The following RAB27B variants were observed in gnomAD, a reference collection of about 807,000 sequenced individuals.
The protein encoded by RAB27B is RAB27B, member RAS oncogene family.
In RAB27B, 15 loss-of-function variants were observed where a neutral mutation model predicts 24.6. That is an observed-to-expected ratio of 0.61 (90% CI 0.41 to 0.94). The LOEUF is 0.94. RAB27B is among the 40% of genes least tolerant of loss of function. RAB27B has a pLI of 0.00. For synonymous variants in RAB27B, 105 were observed against 92.5 expected, an observed-to-expected ratio of 1.14 and a Z score of -0.78; for missense variants, 261 against 266.8, an observed-to-expected ratio of 0.98 and a Z score of 0.15.
intron 2 of RAB27B, among the ~76,000 whole-genome samples, chr18:54,796,280 C>A (rs1462774330): frequency 6.6e-6 from 1 of 152,196 alleles, no homozygotes; most frequent in African/African-American, 2.4e-5. Context: ...AGTGGGCATG[C>A]ATTCCAGTGT....
At chr18:54,727,242 G>A (rs1909567151) in intron 2 of RAB27B, among the ~76,000 whole-genome samples, 1 of 152,142 alleles carries the variant, frequency 6.6e-6, no homozygotes, top group Admixed American at 6.5e-5. Context: ...CCAAAGTGCT[G>A]GGATTACAGG....
intron 3 of RAB27B, chr18:54,879,807 G>T: frequency 5.0e-6 from 1 of 199,038 alleles, no homozygotes; most frequent in Non-Finnish European, 1.0e-5. Flanking sequence ...GTTGAAGAAA[G>T]GGTGTTAAGA....
rs1048955196 is a variant in RAB27B, at chr18:54,889,609, A to G, written c.*196A>G. The G allele has an allele frequency of 1.2e-5, 6 of 482,912 alleles. No individual in the cohort carries two copies. Among genetic ancestry groups the G allele is most frequent in the Non-Finnish European group, 1.4e-5 (4 of 280,802 alleles). The allele number at this position is 482,912 out of a possible 1,614,324, so 29.9% of individuals were successfully genotyped here. Reference sequence around the variant, plus strand: ...GACTAGTTATCCCTGAGGCCCTTTCAAACATGATCAAAGATTTCCCAATGT... The same window carrying G: ...GACTAGTTATCCCTGAGGCCCTTTCGAACATGATCAAAGATTTCCCAATGT... On this transcript the variant is annotated 3_prime_UTR_variant, in exon 6 of 6. Coordinates refer to ENST00000262094, the MANE Select transcript of RAB27B (RefSeq NM_004163.4).
chr18:54,820,293 G>C (rs951838749), intron 2 of RAB27B, among the ~76,000 whole-genome samples: 29 of 152,154 alleles, frequency 1.9e-4, no homozygotes, highest in South Asian at 4.1e-4. Flanking sequence ...TGTTTCCTGA[G>C]TTTTTAATGA....
chr18:54,868,638 TTTG>T (rs1213886710), intron 1 of RAB27B, among the ~76,000 whole-genome samples: 7 of 139,490 alleles, frequency 5.0e-5, no homozygotes, highest in African/African-American at 1.8e-4. Context: ...TTGTTTGTTT[TTTG>T]AGACGGAGTT....
chr18:54,855,832 C>G (rs1911763041), intron 1 of RAB27B, among the ~76,000 whole-genome samples: 1 of 152,118 alleles, frequency 6.6e-6, no homozygotes, highest in East Asian at 1.9e-4. Flanking sequence ...AGTAAAGATG[C>G]TTTTTCTTAT....
intron 1 of RAB27B, among the ~76,000 whole-genome samples, chr18:54,840,764 A>T (rs1229659763): frequency 6.6e-6 from 1 of 152,130 alleles, no homozygotes; most frequent in South Asian, 2.1e-4. Flanking sequence ...ATAGAATTTG[A>T]GGCTCATTCA....
intron 2 of RAB27B, among the ~76,000 whole-genome samples, chr18:54,795,747 C>A (rs1206648310): frequency 6.6e-6 from 1 of 152,054 alleles, no homozygotes; most frequent in African/African-American, 2.4e-5. Flanking sequence ...AGAAACTTGT[C>A]TCTAAGACTA....
At position 54,894,328 on chromosome 18, in the gene RAB27B, G is replaced by A. The variant is rs1261001442; in HGVS notation, c.*4915G>A. The A allele has an allele frequency of 6.6e-6, 1 of 151,950 alleles. No individual in the cohort carries two copies. The highest frequency in any genetic ancestry group is 6.6e-5 in the Admixed American group (1 of 15,218). The allele number at this position is 151,950 out of a possible 1,614,324, so 9.4% of individuals were successfully genotyped here. On this transcript the variant is annotated 3_prime_UTR_variant, in exon 6 of 6. Coordinates refer to ENST00000262094, the MANE Select transcript of RAB27B (RefSeq NM_004163.4). ...TTCCCTGGTTCCTTTCCAGCTGGTT[G>A]TGGAAGTAATGGCTAACATCCTTCA... is the stretch of plus-strand genomic sequence containing the variant.
chr18:54,769,070 C>T (rs1451286437), intron 2 of RAB27B, among the ~76,000 whole-genome samples: 2 of 152,164 alleles, frequency 1.3e-5, no homozygotes, highest in East Asian at 1.9e-4. Context: ...GCAGCATTAA[C>T]TCAAAAGTCC....
intron 2 of RAB27B, among the ~76,000 whole-genome samples, chr18:54,806,228 G>C (rs1047416966): frequency 1.3e-5 from 2 of 151,976 alleles, no homozygotes; most frequent in African/African-American, 4.8e-5. Flanking sequence ...CTTAGCCTTT[G>C]GTCAAGGACT....
chr18:54,796,255 G>A (rs1456001697), intron 2 of RAB27B, among the ~76,000 whole-genome samples: 1 of 152,156 alleles, frequency 6.6e-6, no homozygotes, highest in Non-Finnish European at 1.5e-5. Context: ...GGGTGTCTGT[G>A]ACTCCTGAAG....
intron 2 of RAB27B, among the ~76,000 whole-genome samples, chr18:54,820,272 C>T (rs145803070): frequency 0.034 from 5,160 of 152,266 alleles, 136 homozygotes; most frequent in Admixed American, 0.077. Flanking sequence ...CACATCCTCT[C>T]CAGCACCTGT....
intron 3 of RAB27B, among the ~76,000 whole-genome samples, chr18:54,882,250 T>A (rs1912955274): frequency 6.6e-6 from 1 of 152,200 alleles, no homozygotes; most frequent in South Asian, 2.1e-4. Context: ...TCTGTTGCAG[T>A]CATTTAAAAT....
upstream of RAB27B, chr18:54,828,075 CG>C (rs1337804919): frequency 6.6e-6 from 1 of 152,172 alleles, no homozygotes; most frequent in Non-Finnish European, 1.5e-5. Flanking sequence ...TTCTTTCCAA[CG>C]CCCTCTTTTA....
intron 1 of RAB27B, among the ~76,000 whole-genome samples, chr18:54,836,597 A>T (rs1910903311): frequency 6.6e-6 from 1 of 152,006 alleles, no homozygotes; most frequent in African/African-American, 2.4e-5. Context: ...AAATTCATAA[A>T]TATTAACTAT....
chr18:54,820,246 A>T (rs1273778123), intron 2 of RAB27B, among the ~76,000 whole-genome samples: 2 of 152,172 alleles, frequency 1.3e-5, no homozygotes, highest in African/African-American at 4.8e-5. Context: ...ACAGTGTAAA[A>T]GTGTTCCTGT....
intron 2 of RAB27B, among the ~76,000 whole-genome samples, chr18:54,756,784 A>G (rs1192506308): frequency 6.6e-6 from 1 of 152,234 alleles, no homozygotes; most frequent in African/African-American, 2.4e-5. Flanking sequence ...ACAGGAATAC[A>G]TTACTAAGGT....
At chr18:54,809,911 C>G (rs1383767593) in intron 2 of RAB27B, among the ~76,000 whole-genome samples, 1 of 152,096 alleles carries the variant, frequency 6.6e-6, no homozygotes, top group Non-Finnish European at 1.5e-5. Context: ...ATTGTGCTGA[C>G]TTTTTAAAAG....
Sources: allele counts gnomAD v4.1 joint callset (sites outside exome capture counted in the v4.1 genomes callset), GRCh38; gene constraint gnomAD v4.1.1; transcripts MANE v1.5; gene names NCBI Gene and HGNC (gene_info 2026-07-23, HGNC 2026-07-21).